CPNE4: variants seen among roughly 807,000 people sequenced by gnomAD.
The protein encoded by CPNE4 is copine 4.
CPNE4 carries 25 observed loss-of-function variants against 67.9 expected under a neutral mutation model. The observed-to-expected ratio is 0.37, with a 90% CI of 0.27 to 0.51. The LOEUF (loss-of-function observed/expected upper bound fraction) is 0.51, where lower values mean the gene tolerates loss of function less well. Among genes scored for constraint, CPNE4 ranks in the 20% least tolerant of loss-of-function variants. CPNE4 has a pLI of 0.93. For missense variants in CPNE4, 464 were observed against 690.8 expected (o/e 0.67, Z 3.68); for synonymous variants, 242 against 244.9 (o/e 0.99, Z 0.11).
At chr3:131,959,311 C>T (rs922975527) in intron 1 of CPNE4, among the ~76,000 whole-genome samples, 1 of 147,028 alleles carries the variant, frequency 6.8e-6, no homozygotes, top group Admixed American at 6.9e-5. Flanking sequence ...ATACACCTTT[C>T]TAAGTTTCAA....
At chr3:131,579,087 C>G (rs1937628987) in intron 9 of CPNE4, among the ~76,000 whole-genome samples, 1 of 152,202 alleles carries the variant, frequency 6.6e-6, no homozygotes, top group Non-Finnish European at 1.5e-5. Context: ...TTCAAATCTT[C>G]AAAGGGCAGG....
chr3:131,658,459 T>C lies in CPNE4; in HGVS notation c.681+11216A>G, dbSNP rs368178586. ...TGTCCAAAAGTATTTATGCTCATTT[T>C]CAATGAGCTCATGTTCCCAAGAAAG... On this transcript the variant is annotated intron_variant, in intron 7 of 15. Transcript: ENST00000429747. Among the ~76,000 whole-genome samples the C allele has an allele frequency of 2.3e-3, 356 of 152,356 alleles. 2 individuals carry two copies. The highest frequency in any genetic ancestry group is 8.1e-3 in the African/African-American group (338 of 41,584).
At chr3:131,862,065 C>T (rs2086713389) in intron 2 of CPNE4, among the ~76,000 whole-genome samples, 1 of 152,136 alleles carries the variant, frequency 6.6e-6, no homozygotes, top group African/African-American at 2.4e-5. Flanking sequence ...CTTTTCTTTG[C>T]AATTTTTTTT....
chr3:131,661,668 C>T (rs2080129262), intron 7 of CPNE4, among the ~76,000 whole-genome samples: 1 of 152,158 alleles, frequency 6.6e-6, no homozygotes, highest in Non-Finnish European at 1.5e-5. Context: ...ACAAAATCAG[C>T]AGCTCTTGAG....
At chr3:132,018,594 C>T (rs553935254) in intron 1 of CPNE4, among the ~76,000 whole-genome samples, 3 of 152,204 alleles carry the variant, frequency 2.0e-5, no homozygotes, top group Non-Finnish European at 4.4e-5. Flanking sequence ...ACCAGCTCTA[C>T]AGCCTGTGTC....
intron 10 of CPNE4, among the ~76,000 whole-genome samples, chr3:131,571,070 T>C (rs1937313500): frequency 1.3e-5 from 2 of 152,064 alleles, no homozygotes; most frequent in South Asian, 4.1e-4. Context: ...TATCTCGTTA[T>C]GCTGAAGTTG....
At chr3:131,988,645 G>A (rs867815826) in intron 1 of CPNE4, among the ~76,000 whole-genome samples, 4 of 152,026 alleles carry the variant, frequency 2.6e-5, no homozygotes, top group African/African-American at 9.7e-5. Context: ...TAAAAATCAG[G>A]GTGTCATGCA....
chr3:131,584,344 C>T (rs1938038590), intron 8 of CPNE4, among the ~76,000 whole-genome samples: 1 of 152,146 alleles, frequency 6.6e-6, no homozygotes, highest in African/African-American at 2.4e-5. Flanking sequence ...AAAACTTCCT[C>T]ATAAACTGGA....
chr3:131,755,319 C>T (rs888644620), intron 2 of CPNE4, among the ~76,000 whole-genome samples: 1 of 151,654 alleles, frequency 6.6e-6, no homozygotes, highest in African/African-American at 2.4e-5. Flanking sequence ...GAAAAGGCAG[C>T]CCAAACCTCC....
At chr3:131,892,794 C>T (rs1312726285) in intron 2 of CPNE4, among the ~76,000 whole-genome samples, 1 of 151,712 alleles carries the variant, frequency 6.6e-6, no homozygotes, top group Non-Finnish European at 1.5e-5. Context: ...TTTGTATTAG[C>T]CCCATGGTAA....
In CPNE4 at chr3:131,738,115, G is replaced by A. The variant is rs141242696; in HGVS notation, c.181-14490C>T. Among the ~76,000 whole-genome samples the A allele has an allele frequency of 3.0e-4, 45 of 152,324 alleles. 1 individual carries two copies. The highest frequency in any genetic ancestry group is 9.4e-4 in the African/African-American group (39 of 41,566). On this transcript the variant is annotated intron_variant, in intron 2 of 15. Coordinates refer to ENST00000429747, the MANE Select transcript of CPNE4 (RefSeq NM_130808.3). Reference sequence around the variant, plus strand: ...TACCATTCATTCTGCTGAAATCCTTGAGTGCACAGGATAGATATTCTGTGT... The same window carrying A: ...TACCATTCATTCTGCTGAAATCCTTAAGTGCACAGGATAGATATTCTGTGT...
chr3:131,879,580 C>T (rs540844283), intron 2 of CPNE4, among the ~76,000 whole-genome samples: 1 of 152,038 alleles, frequency 6.6e-6, no homozygotes, highest in African/African-American at 2.4e-5. Flanking sequence ...CTATTGAACA[C>T]CATCTGTGCT....
intron 1 of CPNE4, among the ~76,000 whole-genome samples, chr3:131,917,403 G>A (rs908603091): frequency 6.6e-6 from 1 of 152,266 alleles, no homozygotes; most frequent in Non-Finnish European, 1.5e-5. Context: ...CATGTTGGAA[G>A]ATACATCGTG....
chr3:131,715,028 A>C (rs2081649350), intron 3 of CPNE4, among the ~76,000 whole-genome samples: 1 of 40,970 alleles, frequency 2.4e-5, no homozygotes. Context: ...ACACAGTCAT[A>C]ACTGTCTCCA....
chr3:131,841,122 G>A (rs1042715707), intron 2 of CPNE4, among the ~76,000 whole-genome samples: 22 of 152,190 alleles, frequency 1.4e-4, no homozygotes, highest in African/African-American at 5.3e-4. Context: ...TACATAGGAA[G>A]TATCAGGTCT....
intron 1 of CPNE4, among the ~76,000 whole-genome samples, chr3:132,005,232 G>A (rs1161040297): frequency 6.6e-6 from 1 of 150,598 alleles, no homozygotes; most frequent in Non-Finnish European, 1.5e-5. Context: ...TTAAGCCACT[G>A]GGATTATCTG....
chr3:131,718,458 C>T (rs900447583), intron 3 of CPNE4, among the ~76,000 whole-genome samples: 8 of 152,156 alleles, frequency 5.3e-5, no homozygotes, highest in Non-Finnish European at 8.8e-5. Context: ...CTTGACCGCT[C>T]ACCCACGCTA....
intron 2 of CPNE4, among the ~76,000 whole-genome samples, chr3:131,801,379 A>ACG (rs2084104553): frequency 2.9e-5 from 3 of 104,330 alleles, no homozygotes; most frequent in Admixed American, 1.1e-4. Context: ...TACCATATAT[A>ACG]TATATATGGT....
chr3:131,790,071 T>C (rs184888302), intron 2 of CPNE4, among the ~76,000 whole-genome samples: 1 of 152,080 alleles, frequency 6.6e-6, no homozygotes, highest in Non-Finnish European at 1.5e-5. Context: ...TCGTGTTTCT[T>C]CTCCCTAATA....
Sources: gnomAD v4.1 joint callset for allele counts (sites outside exome capture counted in the v4.1 genomes callset) on GRCh38, gnomAD v4.1.1 for gene constraint, MANE v1.5 for transcripts, NCBI Gene and HGNC (gene_info 2026-07-23, HGNC 2026-07-21) for gene names.